PTPN14: variants seen among roughly 807,000 people sequenced by gnomAD.
The protein encoded by PTPN14 is tyrosine-protein phosphatase non-receptor type 14.
A neutral mutation model predicts 126.8 loss-of-function variants in PTPN14; 53 were observed. That is an observed-to-expected ratio of 0.42 (90% confidence interval 0.34 to 0.53). The LOEUF (loss-of-function observed/expected upper bound fraction) is 0.53, where lower values mean the gene tolerates loss of function less well. Among genes scored for constraint, PTPN14 ranks in the 20% least tolerant of loss-of-function variants. The pLI, the probability that PTPN14 is intolerant of heterozygous loss-of-function variation, is 0.08. For missense variants in PTPN14, 1,257 were observed against 1,552.9 expected (o/e 0.81, Z 3.20); for synonymous variants, 630 against 599.3 (o/e 1.05, Z -0.75).
chr1:214,536,921 C>T (rs1655722995), intron 1 of PTPN14, among the ~76,000 whole-genome samples: 1 of 152,056 alleles, frequency 6.6e-6, no homozygotes, highest in Admixed American at 6.6e-5. Flanking sequence ...AATAGCTGGT[C>T]ATAGGTTTGT....
chr1:214,381,232 G>A (rs547006096), intron 13 of PTPN14, among the ~76,000 whole-genome samples: 10 of 152,322 alleles, frequency 6.6e-5, no homozygotes, highest in Non-Finnish European at 1.3e-4. Context: ...CAACCAAAAT[G>A]AGGTTATGGG....
intron 1 of PTPN14, chr1:214,528,649 G>A (rs1655460513): frequency 6.6e-6 from 1 of 152,158 alleles, no homozygotes; most frequent in Non-Finnish European, 1.5e-5. Flanking sequence ...GAGGTATGGG[G>A]GCTGGGCGCA....
At chr1:214,452,681 TG>T (rs1660298217) in intron 2 of PTPN14, among the ~76,000 whole-genome samples, 1 of 152,170 alleles carries the variant, frequency 6.6e-6, no homozygotes, top group Admixed American at 6.5e-5. Flanking sequence ...CCCTTAGACT[TG>T]AAGCCTAAAC....
At chr1:214,366,670 G>A (rs910132581) in intron 17 of PTPN14, among the ~76,000 whole-genome samples, 2 of 152,124 alleles carry the variant, frequency 1.3e-5, no homozygotes, top group Non-Finnish European at 2.9e-5. Flanking sequence ...TACGTGTATT[G>A]ACTTTCCTAA....
At chr1:214,451,050 T>C (rs1450045923) in intron 3 of PTPN14, among the ~76,000 whole-genome samples, 1 of 152,230 alleles carries the variant, frequency 6.6e-6, no homozygotes, top group Non-Finnish European at 1.5e-5. Flanking sequence ...CTCCCACTTT[T>C]AGTTACCTTT....
chr1:214,379,928 A>C (rs1348866104), intron 13 of PTPN14, among the ~76,000 whole-genome samples: 1 of 152,204 alleles, frequency 6.6e-6, no homozygotes, highest in Non-Finnish European at 1.5e-5. Context: ...GTGTACCCTC[A>C]ACCTTGGCAG....
At chr1:214,375,765 A>ACTCG (rs140214854) in intron 15 of PTPN14, among the ~76,000 whole-genome samples, 1,846 of 152,230 alleles carry the variant, frequency 0.012, 35 homozygotes, top group African/African-American at 0.042. Context: ...CAATAATAGG[A>ACTCG]CTCGCGCTTT....
At chr1:214,457,120 T>TAATAGGA (rs1660400910) in intron 2 of PTPN14, among the ~76,000 whole-genome samples, 1 of 152,202 alleles carries the variant, frequency 6.6e-6, no homozygotes, top group East Asian at 1.9e-4. Flanking sequence ...TTTTATGTGA[T>TAATAGGA]AATAGGAAAT....
chr1:214,425,017 G>C, intron 3 of PTPN14, among the ~76,000 whole-genome samples: 1 of 151,860 alleles, frequency 6.6e-6, no homozygotes, highest in East Asian at 1.9e-4. Context: ...GGCTGGTCTC[G>C]AATTCCTGGC....
intron 3 of PTPN14, among the ~76,000 whole-genome samples, chr1:214,433,306 T>C (rs1659835292): frequency 6.6e-6 from 1 of 151,056 alleles, no homozygotes; most frequent in Non-Finnish European, 1.5e-5. Context: ...GTATGGAAAA[T>C]GTCTACCAAG....
chr1:214,394,542 G>C (rs113026784), intron 9 of PTPN14, among the ~76,000 whole-genome samples: 1 of 152,108 alleles, frequency 6.6e-6, no homozygotes, highest in Non-Finnish European at 1.5e-5. Flanking sequence ...CGAGTAGCTG[G>C]GACTACAGGT....
In PTPN14 at chr1:214,383,566, A is replaced by C; in HGVS notation, c.2289T>G (p.Ala763=). The change falls in exon 13 of 19, where the codon GCT becomes GCG. Residue 763 remains alanine (A), a synonymous_variant. Transcript: ENST00000366956. The surrounding 1 kb of genome is among the most constrained non-coding windows in gnomAD (Gnocchi z 4.4). ...GAAGGCTGGCTTGGTCCTGCCTCAG[A>C]GCCCCATTGCTCACACTCTTCCTTG... The part of the protein sequence containing the change: ...PGPRKSVSNG[A]LRQDQASLPP... 6.2e-7 allele frequency: 1 copy of C among 1,613,732 alleles called. No homozygotes were observed. Among genetic ancestry groups the C allele is most frequent in the Non-Finnish European group, 8.5e-7 (1 of 1,179,936 alleles).
At chr1:214,468,970 AT>A (rs536854338) in intron 1 of PTPN14, among the ~76,000 whole-genome samples, 77 of 152,190 alleles carry the variant, frequency 5.1e-4, no homozygotes, top group Non-Finnish European at 3.1e-4. Context: ...CTAGAAACAC[AT>A]TTTTTTCACC....
chr1:214,424,913 T>G (rs949332686), intron 3 of PTPN14, among the ~76,000 whole-genome samples: 9 of 145,888 alleles, frequency 6.2e-5, no homozygotes, highest in Non-Finnish European at 9.0e-5. Context: ...TCACAGCAAT[T>G]TAATATTAAA....
intron 4 of PTPN14, 114 bp downstream of exon 4, chr1:214,414,515 G>C (rs78681193): frequency 1.2e-5 from 11 of 919,058 alleles, no homozygotes; most frequent in Non-Finnish European, 1.8e-5. Context: ...AAATAAAAAG[G>C]GAGCATTACT....
intron 1 of PTPN14, among the ~76,000 whole-genome samples, chr1:214,499,789 T>C (rs12142620): frequency 0.03 from 4,576 of 152,078 alleles, 119 homozygotes; most frequent in African/African-American, 0.07. Context: ...TTTTTTTAGA[T>C]TGCCTAGGAG....
At chr1:214,464,600 C>A (rs1407173839) in intron 2 of PTPN14, 30 bp downstream of exon 2, 14 of 1,606,822 alleles carry the variant, frequency 8.7e-6, no homozygotes, top group African/African-American at 1.3e-5. Context: ...CATGCACGCG[C>A]ACATGCGCAC....
At chr1:214,537,069 GT>G (rs1558146887) in intron 1 of PTPN14, among the ~76,000 whole-genome samples, 1 of 152,144 alleles carries the variant, frequency 6.6e-6, no homozygotes, top group Non-Finnish European at 1.5e-5. Flanking sequence ...TATGCTTCAA[GT>G]TTCTAAAAAC....
intron 5 of PTPN14, among the ~76,000 whole-genome samples, chr1:214,404,272 C>G (rs1000275555): frequency 4.6e-5 from 7 of 152,210 alleles, no homozygotes; most frequent in Admixed American, 2.0e-4. Flanking sequence ...TTCTAGAGTT[C>G]ACGAGAGACT....
Sources: gnomAD v4.1 joint callset for allele counts (sites outside exome capture counted in the v4.1 genomes callset) on GRCh38, gnomAD v4.1.1 for gene constraint, Gnocchi (gnomAD v3.1) non-coding constraint, MANE v1.5 for transcripts, NCBI Gene and HGNC (gene_info 2026-07-23, HGNC 2026-07-21) for gene names.